RANBP2: variants seen among roughly 807,000 people sequenced by gnomAD.
RANBP2 encodes the protein RAN binding protein 2.
A neutral mutation model predicts 303.6 loss-of-function variants in RANBP2; 57 were observed. The observed-to-expected ratio is 0.19, with a 90% CI of 0.15 to 0.23. The LOEUF (loss-of-function observed/expected upper bound fraction) is 0.23. Ranked by LOEUF, RANBP2 falls within the 10% of genes least tolerant of loss-of-function variation. The probability of loss-of-function intolerance (pLI) is 1.00; values close to 1 mark genes in which losing one functional copy is unlikely to be tolerated. For missense variants in RANBP2, 3,138 were observed against 3,780.8 expected, an observed-to-expected ratio of 0.83 and a Z score of 4.46; for synonymous variants, 1,167 against 1,301.5, an observed-to-expected ratio of 0.90 and a Z score of 2.23.
the RANBP2 span, among the ~76,000 whole-genome samples, chr2:108,891,563 A>G: frequency 5.3e-5 from 8 of 152,314 alleles, no homozygotes; most frequent in South Asian, 8.3e-4. Context: ...GATGACAGCA[A>G]TGGGCTAAGT....
chr2:109,362,229 T>C, the RANBP2 span, among the ~76,000 whole-genome samples: 1 of 152,228 alleles, frequency 6.6e-6, no homozygotes, highest in African/African-American at 2.4e-5. Flanking sequence ...GGTGCTACTT[T>C]TGCGGCATCT....
chr2:109,457,123 AC>A, the RANBP2 span, among the ~76,000 whole-genome samples: 6 of 152,334 alleles, frequency 3.9e-5, no homozygotes, highest in South Asian at 1.2e-3. Flanking sequence ...GGACGATAGC[AC>A]CTACCACCCT....
chr2:108,916,003 T>A, the RANBP2 span, among the ~76,000 whole-genome samples: 5 of 152,238 alleles, frequency 3.3e-5, no homozygotes, highest in Middle Eastern at 3.4e-3. Flanking sequence ...GCGTTCCCCC[T>A]CACAGACCTT....
At chr2:109,181,340 A>G in the RANBP2 span, among the ~76,000 whole-genome samples, 1 of 152,216 alleles carries the variant, frequency 6.6e-6, no homozygotes, top group Non-Finnish European at 1.5e-5. Context: ...TGGGTACATT[A>G]CTGTTCACTA....
the RANBP2 span, chr2:108,812,902 A>T: frequency 6.2e-7 from 1 of 1,613,612 alleles, no homozygotes; most frequent in East Asian, 2.2e-5. Flanking sequence ...AAACAAGAAA[A>T]AGCACCAGTT....
At chr2:108,846,318 AT>A in the RANBP2 span, among the ~76,000 whole-genome samples, 1 of 152,162 alleles carries the variant, frequency 6.6e-6, no homozygotes, top group Non-Finnish European at 1.5e-5. Flanking sequence ...AATTTTACAT[AT>A]TTTCAACTTT....
At chr2:108,927,721 G>A in the RANBP2 span, among the ~76,000 whole-genome samples, 1 of 152,086 alleles carries the variant, frequency 6.6e-6, no homozygotes, top group African/African-American at 2.4e-5. Context: ...GGAGGTTCAG[G>A]CCATCTCTGG....
chr2:109,684,702 T>A, the RANBP2 span, among the ~76,000 whole-genome samples: 1 of 150,134 alleles, frequency 6.7e-6, no homozygotes. Context: ...CCTGGCTACT[T>A]CTTGTATTTT....
the RANBP2 span, chr2:109,733,197 G>C: frequency 2.8e-6 from 1 of 362,824 alleles, no homozygotes; most frequent in Non-Finnish European, 5.4e-6. Context: ...AAAAAAAAAA[G>C]CTGACTCCAT....
chr2:109,521,178 A>T, the RANBP2 span, among the ~76,000 whole-genome samples: 2 of 151,682 alleles, frequency 1.3e-5, no homozygotes, highest in African/African-American at 4.8e-5. Flanking sequence ...AGATTGTGCC[A>T]CTGCACTCCA....
At chr2:108,900,894 G>A in the RANBP2 span, among the ~76,000 whole-genome samples, 2 of 151,644 alleles carry the variant, frequency 1.3e-5, no homozygotes, top group Non-Finnish European at 2.9e-5. Flanking sequence ...TCCAAAATAT[G>A]TGAAACAAAA....
the RANBP2 span, among the ~76,000 whole-genome samples, chr2:109,331,914 G>A: frequency 6.6e-6 from 1 of 152,208 alleles, no homozygotes. Context: ...CCTCTCTGGA[G>A]GGGTTTGCCT....
At chr2:109,760,410 G>A in the RANBP2 span, 3 of 630,344 alleles carry the variant, frequency 4.8e-6, no homozygotes, top group African/African-American at 1.6e-4. Flanking sequence ...GGGCGGCGGC[G>A]GCGGCGGCGG....
At chr2:108,989,425 G>T in the RANBP2 span, 1 of 152,284 alleles carries the variant, frequency 6.6e-6, no homozygotes, top group Non-Finnish European at 1.5e-5. Flanking sequence ...TTTTGCAGGG[G>T]TGGGGGCCTT....
chr2:109,502,546 G>A, the RANBP2 span: 6,288 of 152,198 alleles, frequency 0.041, 227 homozygotes, highest in East Asian at 0.2. Context: ...GCACCTCAGC[G>A]CTGGCCAGTA....
chr2:109,514,448 TG>T, the RANBP2 span, among the ~76,000 whole-genome samples: 1 of 152,142 alleles, frequency 6.6e-6, no homozygotes, highest in Non-Finnish European at 1.5e-5. Flanking sequence ...CAGACCTCCA[TG>T]GATGAAAGGC....
chr2:109,760,797 G>T, the RANBP2 span, among the ~76,000 whole-genome samples: 554 of 140,516 alleles, frequency 3.9e-3, 19 homozygotes, highest in African/African-American at 0.014. Flanking sequence ...GGCCGCTTCG[G>T]GCGGGCGGGA....
chr2:109,223,080 C>T, the RANBP2 span, among the ~76,000 whole-genome samples: 1 of 152,254 alleles, frequency 6.6e-6, no homozygotes, highest in Non-Finnish European at 1.5e-5. Flanking sequence ...GCACCACGCC[C>T]TGATGCTTCT....
chr2:109,177,595 A>T, the RANBP2 span, among the ~76,000 whole-genome samples: 1 of 152,084 alleles, frequency 6.6e-6, no homozygotes, highest in African/African-American at 2.4e-5. Flanking sequence ...TGGTCCAGAG[A>T]AAGAACAAGG....
Sources: gnomAD v4.1 joint callset for allele counts (sites outside exome capture counted in the v4.1 genomes callset) on GRCh38, gnomAD v4.1.1 for gene constraint, MANE v1.5 for transcripts, NCBI Gene and HGNC (gene_info 2026-07-23, HGNC 2026-07-21) for gene names.